GRIN2A: variants seen among roughly 807,000 people sequenced by gnomAD.
GRIN2A encodes glutamate receptor ionotropic, NMDA 2A.
Under a neutral mutation model 113.4 loss-of-function variants are expected in GRIN2A, and 22 were observed. That is an observed-to-expected ratio of 0.19 (90% CI 0.14 to 0.28). The LOEUF (loss-of-function observed/expected upper bound fraction) is 0.28, where lower values mean the gene tolerates loss of function less well. Ranked by LOEUF, GRIN2A falls within the 10% of genes least tolerant of loss-of-function variation. The probability of loss-of-function intolerance (pLI) is 1.00; values close to 1 mark genes in which losing one functional copy is unlikely to be tolerated. For synonymous variants in GRIN2A, 827 were observed against 738.4 expected (o/e 1.12, Z -1.94); for missense variants, 1,502 against 1,887.0 (o/e 0.80, Z 3.78).
intron 2 of GRIN2A, among the ~76,000 whole-genome samples, chr16:10,024,458 T>C (rs558852842): frequency 2.0e-5 from 3 of 152,350 alleles, no homozygotes; most frequent in East Asian, 3.9e-4. Context: ...AACCTCATGA[T>C]CCACCCGTCT....
chr16:10,058,145 C>G (rs1213104075), intron 2 of GRIN2A, among the ~76,000 whole-genome samples: 2 of 151,890 alleles, frequency 1.3e-5, no homozygotes, highest in East Asian at 3.9e-4. Context: ...ATTCTAGTTA[C>G]TTGGGAGGCT....
intron 2 of GRIN2A, among the ~76,000 whole-genome samples, chr16:10,068,711 AATAG>A (rs1270127503): frequency 6.6e-6 from 1 of 152,200 alleles, no homozygotes; most frequent in Non-Finnish European, 1.5e-5. Flanking sequence ...AGAGGCAGAT[AATAG>A]ATAATGTACA....
intron 2 of GRIN2A, among the ~76,000 whole-genome samples, chr16:10,067,183 G>A (rs566728215): frequency 3.3e-5 from 5 of 152,124 alleles, no homozygotes; most frequent in African/African-American, 1.2e-4. Flanking sequence ...AAAGACACTT[G>A]CATCTGGGGC....
chr16:10,035,643 C>T (rs949520318), intron 2 of GRIN2A, among the ~76,000 whole-genome samples: 7 of 152,128 alleles, frequency 4.6e-5, no homozygotes, highest in African/African-American at 1.7e-4. Context: ...AGGGGAAGCC[C>T]AAGAATCTGC....
chr16:9,884,271 A>G (rs569463171), intron 4 of GRIN2A, among the ~76,000 whole-genome samples: 107 of 152,350 alleles, frequency 7.0e-4, no homozygotes, highest in African/African-American at 2.4e-3. Flanking sequence ...TTGTAAGGCC[A>G]GGCGCAGTGG....
chr16:10,158,486 C>T (rs759321531), intron 2 of GRIN2A, among the ~76,000 whole-genome samples: 2 of 152,114 alleles, frequency 1.3e-5, no homozygotes, highest in African/African-American at 2.4e-5. Flanking sequence ...TATAGCAGCA[C>T]CATTCACAAT....
intron 3 of GRIN2A, among the ~76,000 whole-genome samples, chr16:9,906,011 TA>T (rs2044022008): frequency 1.3e-5 from 2 of 152,244 alleles, no homozygotes; most frequent in African/African-American, 4.8e-5. Flanking sequence ...ACCTTTTAAT[TA>T]AATTAAGCTA....
chr16:9,850,190 C>G (rs1261050720), intron 4 of GRIN2A, among the ~76,000 whole-genome samples: 2 of 152,204 alleles, frequency 1.3e-5, no homozygotes, highest in Admixed American at 6.5e-5. Context: ...CAACCTGCAT[C>G]TCTGGAGGCA....
intron 8 of GRIN2A, among the ~76,000 whole-genome samples, chr16:9,830,601 A>G (rs2042474532): frequency 6.6e-6 from 1 of 152,290 alleles, no homozygotes. Flanking sequence ...TGATCTACTC[A>G]GATGTCACCT....
chr16:10,166,831 C>A (rs1381701793), intron 2 of GRIN2A, among the ~76,000 whole-genome samples: 1 of 152,198 alleles, frequency 6.6e-6, no homozygotes, highest in African/African-American at 2.4e-5. Flanking sequence ...TCCTCAGCCT[C>A]CTCAATGTAA....
At chr16:9,836,331 A>C (rs1424738791) in intron 7 of GRIN2A, among the ~76,000 whole-genome samples, 1 of 152,210 alleles carries the variant, frequency 6.6e-6, no homozygotes, top group Non-Finnish European at 1.5e-5. Context: ...CATGGTTCTG[A>C]AAAGGGCGTG....
intron 11 of GRIN2A, 38 bp downstream of exon 11, chr16:9,798,239 C>T: frequency 1.3e-6 from 2 of 1,565,474 alleles, no homozygotes; most frequent in Non-Finnish European, 1.8e-6. Context: ...GTGAGGGTCT[C>T]AAGTCCCCCT....
intron 2 of GRIN2A, among the ~76,000 whole-genome samples, chr16:10,123,779 C>T (rs2048876458): frequency 6.6e-6 from 1 of 152,180 alleles, no homozygotes; most frequent in Admixed American, 6.5e-5. Flanking sequence ...CTTTCAAACT[C>T]TGTAATCAGA....
At chr16:10,046,481 A>G (rs1182691473) in intron 2 of GRIN2A, among the ~76,000 whole-genome samples, 1 of 152,144 alleles carries the variant, frequency 6.6e-6, no homozygotes, top group East Asian at 1.9e-4. Context: ...TGCAGCCAAA[A>G]GCATCCCAAT....
intron 7 of GRIN2A, among the ~76,000 whole-genome samples, chr16:9,839,152 G>T (rs1230754674): frequency 6.6e-6 from 1 of 152,058 alleles, no homozygotes; most frequent in Non-Finnish European, 1.5e-5. Flanking sequence ...CACTTATATG[G>T]GAGTGCCAAG....
At chr16:9,785,329 T>C (rs1376455106) in intron 11 of GRIN2A, among the ~76,000 whole-genome samples, 1 of 151,430 alleles carries the variant, frequency 6.6e-6, no homozygotes, top group African/African-American at 2.4e-5. Context: ...CTCAGCAAAC[T>C]ATCGCAAGGA....
chr16:9,828,233 A>C (rs1186425213), intron 9 of GRIN2A, among the ~76,000 whole-genome samples: 1 of 152,188 alleles, frequency 6.6e-6, no homozygotes. Flanking sequence ...AGCAGGTGAG[A>C]TAACACAGGG....
In GRIN2A at chr16:9,849,782, C is replaced by G; in HGVS notation, c.1302G>C (p.Val434=). ...TGATTTTGACGAACTTCCGACATGGCACGGTGTTCCTCACACACGTCTCGG... is the reference window on the plus strand; with the variant it reads ...TGATTTTGACGAACTTCCGACATGGGACGGTGTTCCTCACACACGTCTCGG... The part of the protein sequence containing the change: ...PLTETCVRNT[V]PCRKFVKINN... Residue 434 remains valine (V), a synonymous_variant, in exon 5 of 13, where the codon GTG becomes GTC. Coordinates refer to ENST00000330684, the MANE Select transcript of GRIN2A (RefSeq NM_001134407.3). 1.2e-6 allele frequency: 2 copies of G among 1,614,076 alleles called. No individual in the cohort carries two copies. The highest frequency in any genetic ancestry group is 2.2e-5 in the South Asian group (2 of 91,068).
intron 2 of GRIN2A, among the ~76,000 whole-genome samples, chr16:9,963,729 G>C (rs1567203552): frequency 6.6e-6 from 1 of 152,264 alleles, no homozygotes; most frequent in Middle Eastern, 3.4e-3. Flanking sequence ...TTCAGCCTCT[G>C]TATATTTATT....
Sources: gnomAD v4.1 joint callset for allele counts (sites outside exome capture counted in the v4.1 genomes callset) on GRCh38, gnomAD v4.1.1 for gene constraint, MANE v1.5 for transcripts, NCBI Gene and HGNC (gene_info 2026-07-23, HGNC 2026-07-21) for gene names.